EIF2B3: variants seen among roughly 807,000 people sequenced by gnomAD.
EIF2B3 encodes translation initiation factor eIF2B subunit gamma.
EIF2B3 carries 20 observed loss-of-function variants against 54.1 expected under a neutral mutation model. The ratio of observed to expected loss-of-function variants is 0.37; its 90% CI spans 0.26 to 0.54. EIF2B3 has a LOEUF of 0.54. EIF2B3 is among the 20% of genes least tolerant of loss of function. The pLI is 0.86. For synonymous variants in EIF2B3, 153 were observed against 188.1 expected, an observed-to-expected ratio of 0.81 and a Z score of 1.52; for missense variants, 448 against 547.8, an observed-to-expected ratio of 0.82 and a Z score of 1.82.
intron 3 of EIF2B3, among the ~76,000 whole-genome samples, chr1:44,957,422 G>A (rs913070788): frequency 6.6e-5 from 10 of 152,168 alleles, no homozygotes; most frequent in African/African-American, 2.2e-4. Context: ...AGATCATAAT[G>A]TATTCAATTT....
chr1:44,875,474 T>G, intron 9 of EIF2B3, 144 bp downstream of exon 9: 3 of 782,612 alleles, frequency 3.8e-6, no homozygotes, highest in Non-Finnish European at 6.7e-6. Context: ...TCTTGTTGAG[T>G]GAGATTTTAT....
chr1:44,923,078 A>C (rs528435383), intron 5 of EIF2B3, among the ~76,000 whole-genome samples: 3 of 152,184 alleles, frequency 2.0e-5, no homozygotes, highest in Non-Finnish European at 4.4e-5. Context: ...TTGACTTTGT[A>C]TCCTGGAACT....
chr1:44,950,135 A>G (rs1397835673), intron 3 of EIF2B3, among the ~76,000 whole-genome samples: 1 of 152,222 alleles, frequency 6.6e-6, no homozygotes, highest in African/African-American at 2.4e-5. Context: ...TTTAAAACTT[A>G]GGGTTGGCTG....
intron 6 of EIF2B3, among the ~76,000 whole-genome samples, chr1:44,889,945 C>G (rs1378951391): frequency 6.6e-6 from 1 of 152,152 alleles, no homozygotes; most frequent in African/African-American, 2.4e-5. Context: ...CTCATAAAAC[C>G]CCAGGAATGG....
intron 8 of EIF2B3, among the ~76,000 whole-genome samples, chr1:44,876,350 C>T: frequency 7.0e-6 from 1 of 142,268 alleles, no homozygotes; most frequent in Non-Finnish European, 1.5e-5. Flanking sequence ...AGCGCCTCTG[C>T]CCCGCCGCCC....
intron 6 of EIF2B3, among the ~76,000 whole-genome samples, chr1:44,883,861 C>T (rs761369539): frequency 1.3e-4 from 20 of 152,122 alleles, no homozygotes; most frequent in Non-Finnish European, 2.5e-4. Context: ...CCTTGTTAGA[C>T]GGGGTCTTGC....
At chr1:44,936,067 G>A (rs1031409816) in intron 4 of EIF2B3, among the ~76,000 whole-genome samples, 2 of 151,600 alleles carry the variant, frequency 1.3e-5, no homozygotes, top group African/African-American at 4.8e-5. Flanking sequence ...AAGCAATGGC[G>A]AGACAATGGC....
intron 10 of EIF2B3, among the ~76,000 whole-genome samples, chr1:44,873,862 C>G (rs969632150): frequency 6.6e-6 from 1 of 151,528 alleles, no homozygotes; most frequent in Non-Finnish European, 1.5e-5. Context: ...GTTGGCCAGG[C>G]TAATCTCGAA....
chr1:44,986,195 A>G (rs960276021), intron 1 of EIF2B3, among the ~76,000 whole-genome samples: 1 of 145,460 alleles, frequency 6.9e-6, no homozygotes, highest in African/African-American at 2.6e-5. Context: ...GCTGGAGTGC[A>G]GTGGCGCGAA....
At chr1:44,897,476 G>GA (rs1267052580) in intron 5 of EIF2B3, 32 bp from the exon 6 acceptor site, 2 of 1,520,816 alleles carry the variant, frequency 1.3e-6, no homozygotes, top group Admixed American at 3.7e-5. Flanking sequence ...AAGAAAGAAA[G>GA]AAGAGGCTCA....
chr1:44,899,773 G>A (rs1449817698), intron 5 of EIF2B3, among the ~76,000 whole-genome samples: 2 of 152,162 alleles, frequency 1.3e-5, no homozygotes, highest in Non-Finnish European at 2.9e-5. Flanking sequence ...AAAGCAGTTT[G>A]GAGATATTTC....
At chr1:44,963,085 C>G (rs892054324) in intron 3 of EIF2B3, among the ~76,000 whole-genome samples, 1 of 151,864 alleles carries the variant, frequency 6.6e-6, no homozygotes, top group Non-Finnish European at 1.5e-5. Context: ...CATGGTGGTA[C>G]ACACTTGTAG....
chr1:44,971,649 G>A (rs967072084), intron 3 of EIF2B3, among the ~76,000 whole-genome samples: 1 of 152,168 alleles, frequency 6.6e-6, no homozygotes, highest in African/African-American at 2.4e-5. Flanking sequence ...AGCTAATACA[G>A]CTCTGAGAAG....
intron 4 of EIF2B3, among the ~76,000 whole-genome samples, chr1:44,937,649 C>T (rs908936979): frequency 2.0e-5 from 3 of 151,522 alleles, no homozygotes; most frequent in South Asian, 4.2e-4. Context: ...TTTGGGAGGC[C>T]GAGGCGGGCG....
chr1:44,910,077 G>T (rs1220680441), intron 5 of EIF2B3, among the ~76,000 whole-genome samples: 1 of 152,108 alleles, frequency 6.6e-6, no homozygotes, highest in Non-Finnish European at 1.5e-5. Flanking sequence ...CAGTAAAAAA[G>T]CTTGACAACT....
intron 10 of EIF2B3, among the ~76,000 whole-genome samples, chr1:44,872,402 T>C (rs1341553039): frequency 1.3e-5 from 2 of 151,840 alleles, no homozygotes; most frequent in Admixed American, 6.6e-5. Context: ...TCCCAGCACT[T>C]TGGGAGGCTG....
chr1:44,928,759 G>T (rs1390450457), intron 4 of EIF2B3, among the ~76,000 whole-genome samples: 3 of 152,040 alleles, frequency 2.0e-5, no homozygotes, highest in Non-Finnish European at 2.9e-5. Context: ...CTTTTCAAAG[G>T]CAGGCTTCTG....
chr1:44,935,543 A>C (rs547362589), intron 4 of EIF2B3, among the ~76,000 whole-genome samples: 3 of 152,182 alleles, frequency 2.0e-5, no homozygotes, highest in African/African-American at 7.2e-5. Context: ...TCTGTTGCCC[A>C]GGGTGGAATA....
Position 44,881,888 on chromosome 1 carries a change from G to T in EIF2B3, c.657-149C>A. ...GATCAAATGTGGCATTGACTTGGCA[G>T]TTCGGAGAAGCAGAGTGCTTCCTGG... On this transcript the variant is annotated intron_variant, in intron 6 of 11. Transcript: ENST00000360403. This position sits in a 1 kb window ranked among gnomAD's most constrained non-coding sequence, Gnocchi z 4.0. 9.4e-7 allele frequency: 1 copy of T among 1,065,082 alleles called. No homozygotes were observed. The highest frequency in any genetic ancestry group is 1.4e-6 in the Non-Finnish European group (1 of 725,458). The allele number at this position is 1,065,082 out of a possible 1,614,324, so 66.0% of individuals were successfully genotyped here. A position where few individuals can be genotyped will look rare whatever the true frequency, so the allele number is the denominator to read the frequency against.
Sources: allele counts gnomAD v4.1 joint callset (sites outside exome capture counted in the v4.1 genomes callset), GRCh38; gene constraint gnomAD v4.1.1; non-coding constraint Gnocchi (gnomAD v3.1); transcripts MANE v1.5; gene names NCBI Gene and HGNC (gene_info 2026-07-23, HGNC 2026-07-21).